MAST4: variants seen among roughly 807,000 people sequenced by gnomAD.
The protein encoded by MAST4 is microtubule-associated serine/threonine-protein kinase 4.
A neutral mutation model predicts 162.7 loss-of-function variants in MAST4; 89 were observed. That is an observed-to-expected ratio of 0.55 (90% confidence interval 0.46 to 0.65). MAST4 has a LOEUF of 0.65. Among genes scored for constraint, MAST4 ranks in the 30% least tolerant of loss-of-function variants. The pLI is 0.00. For synonymous variants in MAST4, 1,479 were observed against 1,361.1 expected (o/e 1.09, Z -1.91); for missense variants, 3,153 against 3,374.0 (o/e 0.93, Z 1.62).
intron 4 of MAST4, among the ~76,000 whole-genome samples, chr5:67,041,756 G>A (rs1445572193): frequency 6.6e-6 from 1 of 152,170 alleles, no homozygotes; most frequent in African/African-American, 2.4e-5. Flanking sequence ...AGCCTCCTGA[G>A]TAGCTGGAAT....
At chr5:66,887,624 C>T (rs958754911) in intron 3 of MAST4, among the ~76,000 whole-genome samples, 19 of 152,166 alleles carry the variant, frequency 1.2e-4, no homozygotes, top group Non-Finnish European at 2.8e-4. Context: ...TTGGGCAAAT[C>T]GTGACATAAC....
intron 4 of MAST4, among the ~76,000 whole-genome samples, chr5:66,903,161 G>C (rs948482232): frequency 7.2e-5 from 11 of 152,142 alleles, no homozygotes; most frequent in Non-Finnish European, 1.2e-4. Flanking sequence ...AACATGCATG[G>C]AAAGCAAGTT....
intron 4 of MAST4, among the ~76,000 whole-genome samples, chr5:66,920,257 C>G (rs1277053374): frequency 1.3e-5 from 2 of 152,006 alleles, no homozygotes; most frequent in African/African-American, 4.8e-5. Flanking sequence ...TTGGTCAACT[C>G]AAATTGTGTT....
chr5:66,785,224 C>G (rs1018060671), intron 2 of MAST4, among the ~76,000 whole-genome samples: 2 of 152,158 alleles, frequency 1.3e-5, no homozygotes, highest in Non-Finnish European at 2.9e-5. Context: ...GAGTGAGACC[C>G]TGTCTCAAAA....
At chr5:67,093,712 A>C in intron 6 of MAST4, 1 of 435,634 alleles carries the variant, frequency 2.3e-6, no homozygotes, top group South Asian at 1.6e-5. Flanking sequence ...AAATATGTTC[A>C]TTGATAACTG....
At chr5:66,880,385 A>C (rs1761612413) in intron 3 of MAST4, among the ~76,000 whole-genome samples, 1 of 152,244 alleles carries the variant, frequency 6.6e-6, no homozygotes, top group Admixed American at 6.5e-5. Flanking sequence ...AGTTTTTTAA[A>C]AACTAAATGC....
In MAST4 at chr5:66,925,589, A is replaced by G. The variant is rs1166771743; in HGVS notation, c.674+25607A>G. On this transcript the variant is annotated intron_variant, in intron 4 of 28. Coordinates refer to ENST00000403625, the MANE Select transcript of MAST4 (RefSeq NM_001164664.2). ...TAGCCAAGTTATGATTTATAGAGTG[A>G]TTTATTGATCATGGAAGATTTCCCA... 5.9e-5 allele frequency among the ~76,000 whole-genome samples: 9 copies of G among 152,270 alleles called. No homozygotes were observed. In the East Asian group the frequency reaches 1.5e-3, roughly 26 times the overall value.
chr5:66,609,710 T>G (rs12108724), intron 1 of MAST4, among the ~76,000 whole-genome samples: 18,940 of 106,710 alleles, frequency 0.18, 1,430 homozygotes, highest in Admixed American at 0.25. Flanking sequence ...TTTTTGTTTT[T>G]TTTTTTTTGT....
chr5:66,809,585 G>A (rs1580505352), intron 3 of MAST4, among the ~76,000 whole-genome samples: 1 of 152,144 alleles, frequency 6.6e-6, no homozygotes, highest in East Asian at 1.9e-4. Flanking sequence ...ATTTTTATAA[G>A]AAGTGATATG....
At chr5:66,777,616 AG>A (rs1754664710) in intron 2 of MAST4, among the ~76,000 whole-genome samples, 1 of 152,148 alleles carries the variant, frequency 6.6e-6, no homozygotes, top group African/African-American at 2.4e-5. Context: ...AAGGATCTGG[AG>A]GGGGCAGTGA....
At chr5:66,962,977 A>C (rs1437085777) in intron 4 of MAST4, among the ~76,000 whole-genome samples, 1 of 151,116 alleles carries the variant, frequency 6.6e-6, no homozygotes, top group Admixed American at 6.6e-5. Flanking sequence ...GAAAGAAAAA[A>C]GATGAATGAA....
At chr5:67,017,306 T>A (rs1753420813) in intron 4 of MAST4, among the ~76,000 whole-genome samples, 1 of 152,158 alleles carries the variant, frequency 6.6e-6, no homozygotes. Context: ...TGCCCCTACC[T>A]AAGGACGGAA....
Position 67,164,813 on chromosome 5 carries a change from C to A in MAST4, c.5634C>A (p.Pro1878=). ...KSYLLEPWFL[P]PSRGLQNSPA... The stretch of plus-strand genomic sequence containing the variant: ...ACCTGCTGGAGCCTTGGTTCCTGCC[C>A]CCCAGCCGAGGTCTCCAGAATTCAC... Residue 1878 remains proline (P), a synonymous_variant, in exon 29 of 29, where the codon CCC becomes CCA. Transcript: ENST00000403625. This position sits in a 1 kb window ranked among gnomAD's most constrained non-coding sequence, Gnocchi z 5.3. 6.2e-7 allele frequency: 1 copy of A among 1,613,986 alleles called. No individual in the cohort carries two copies. The highest frequency in any genetic ancestry group is 1.1e-5 in the South Asian group (1 of 91,080).
chr5:67,141,587 C>G (rs1280175372), intron 19 of MAST4, among the ~76,000 whole-genome samples: 1 of 152,202 alleles, frequency 6.6e-6, no homozygotes, highest in East Asian at 1.9e-4. Context: ...CAGTTTCCTA[C>G]TTACAAATCT....
intron 1 of MAST4, among the ~76,000 whole-genome samples, chr5:66,651,803 T>C (rs1451652674): frequency 6.6e-6 from 1 of 152,160 alleles, no homozygotes; most frequent in Non-Finnish European, 1.5e-5. Context: ...AACTCACTCA[T>C]GTACTTATTG....
rs900663035 is a variant in MAST4, at chr5:66,870,212, C to T, written c.643-29739C>T. ...AATCTCTGTTTCAGCCAATAAAATA[C>T]AATGTGCATTTAGGGGCATAGTTTT... On this transcript the variant is annotated intron_variant, in intron 3 of 28. Transcript: ENST00000403625. 3.3e-5 allele frequency among the ~76,000 whole-genome samples: 5 copies of T among 152,294 alleles called. No homozygotes were observed. The East Asian group carries it at 9.6e-4, about 29-fold the overall frequency.
chr5:66,797,575 G>A (rs1755713137), intron 3 of MAST4, among the ~76,000 whole-genome samples: 1 of 152,072 alleles, frequency 6.6e-6, no homozygotes, highest in African/African-American at 2.4e-5. Flanking sequence ...TGCGAAACGT[G>A]GTCTTGCTTT....
chr5:66,940,996 G>A (rs1278802751), intron 4 of MAST4, among the ~76,000 whole-genome samples: 1 of 152,136 alleles, frequency 6.6e-6, no homozygotes, highest in African/African-American at 2.4e-5. Flanking sequence ...TTGCCAAAGA[G>A]CAGTAATATC....
In MAST4 at chr5:67,119,791, G is replaced by C. The variant is rs373083211; in HGVS notation, c.1659+1042G>C. Among the ~76,000 whole-genome samples, 45 of 152,132 alleles carry C rather than the reference G, an allele frequency of 3.0e-4. No individual in the cohort carries two copies. The East Asian group carries it at 8.5e-3, about 29-fold the overall frequency. ...AGAGGGAGAGTTTCTGGTGGAGGTG[G>C]AAGTGACTTAGGAGTCATCCATGAA... On this transcript the variant is annotated intron_variant, in intron 13 of 28. Coordinates refer to ENST00000403625, the MANE Select transcript of MAST4 (RefSeq NM_001164664.2).
Sources: allele counts gnomAD v4.1 joint callset (sites outside exome capture counted in the v4.1 genomes callset), GRCh38; gene constraint gnomAD v4.1.1; non-coding constraint Gnocchi (gnomAD v3.1); transcripts MANE v1.5; gene names NCBI Gene and HGNC (gene_info 2026-07-23, HGNC 2026-07-21).